FBXL20: variants seen among roughly 807,000 people sequenced by gnomAD.
FBXL20 encodes the protein F-box/LRR-repeat protein 20.
Under a neutral mutation model 64.0 loss-of-function variants are expected in FBXL20, and 11 were observed. The ratio of observed to expected loss-of-function variants is 0.17; its 90% CI spans 0.11 to 0.28. FBXL20 has a LOEUF of 0.28. Ranked by LOEUF, FBXL20 falls within the 10% of genes least tolerant of loss-of-function variation. The pLI is 1.00. For missense variants in FBXL20, 303 were observed against 526.2 expected (o/e 0.58, Z 4.15); for synonymous variants, 184 against 189.0 (o/e 0.97, Z 0.22).
In FBXL20 at chr17:39,255,591, C is replaced by G. The variant is rs2046688009; in HGVS notation, c.*5869G>C. On this transcript the variant is annotated 3_prime_UTR_variant, in exon 15 of 15. Transcript: ENST00000264658. ...GGGCGCAGTGGCTCACGCCTGTAAT[C>G]CTAGCATGTTGGGAGGCTGAGGTGG... is the stretch of plus-strand genomic sequence containing the variant. 1 of 152,060 alleles carries G rather than the reference C, an allele frequency of 6.6e-6. No homozygotes were observed. Among genetic ancestry groups the G allele is most frequent in the Non-Finnish European group, 1.5e-5 (1 of 68,064 alleles). The allele number at this position is 152,060 out of a possible 1,614,324, so 9.4% of individuals were successfully genotyped here.
chr17:39,275,543 C>T (rs1403461795), intron 9 of FBXL20, among the ~76,000 whole-genome samples: 2 of 151,972 alleles, frequency 1.3e-5, no homozygotes, highest in African/African-American at 4.8e-5. Flanking sequence ...TCCTGACTAG[C>T]TGGGACTACA....
chr17:39,371,818 G>A (rs1349464104), intron 1 of FBXL20, among the ~76,000 whole-genome samples: 3 of 151,934 alleles, frequency 2.0e-5, no homozygotes, highest in Non-Finnish European at 4.4e-5. Flanking sequence ...GCGCCACCTC[G>A]CCCAGCTAAA....
intron 4 of FBXL20, among the ~76,000 whole-genome samples, chr17:39,300,697 C>A (rs922156868): frequency 1.3e-5 from 2 of 152,128 alleles, no homozygotes; most frequent in African/African-American, 4.8e-5. Context: ...AATGTCTTCA[C>A]TAAAATAAAC....
chr17:39,396,735 C>G (rs1210305150), intron 1 of FBXL20, among the ~76,000 whole-genome samples: 2 of 151,798 alleles, frequency 1.3e-5, no homozygotes, highest in Non-Finnish European at 1.5e-5. Context: ...GTGGGCGGAT[C>G]GCGAGGTTAG....
At chr17:39,313,566 A>C (rs530788316) in intron 2 of FBXL20, among the ~76,000 whole-genome samples, 3 of 152,118 alleles carry the variant, frequency 2.0e-5, no homozygotes, top group South Asian at 2.1e-4. Flanking sequence ...AAATAAAAGA[A>C]TTGGTGGGGT....
At chr17:39,349,172 A>G (rs2047662742) in intron 1 of FBXL20, among the ~76,000 whole-genome samples, 1 of 151,534 alleles carries the variant, frequency 6.6e-6, no homozygotes, top group Non-Finnish European at 1.5e-5. Context: ...GAATCACTTG[A>G]ACCCGGGAGA....
intron 1 of FBXL20, 122 bp from the exon 2 acceptor site, chr17:39,343,363 C>A: frequency 1.7e-6 from 1 of 580,894 alleles, no homozygotes. Context: ...GCATCATAAA[C>A]CAAAGTCATA....
Position 39,261,486 on chromosome 17 carries a change from A to T in FBXL20, c.1285T>A (p.Phe429Ile). 6.2e-7 allele frequency: 1 copy of T among 1,613,952 alleles called. No individual in the cohort carries two copies. The highest frequency in any genetic ancestry group is 8.5e-7 in the Non-Finnish European group (1 of 1,179,820). The change falls in exon 15 of 15, where the codon TTC becomes ATC. Residue 429 changes from phenylalanine (F) to isoleucine (I), a missense_variant. By Grantham distance (21) the Phe-to-Ile change is conservative (BLOSUM62 0). This residue lies in a region of FBXL20 where 56 missense variants were observed against 86.0 expected (regional missense o/e 0.65). Transcript: ENST00000264658. ...CATAGGATGATGCAGCATCTGCAGA[A>T]GCGCTGTCTGCTGCCCCCTACTGAT... is the stretch of plus-strand genomic sequence containing the variant. ...PPSVGGSRQR[F>I]CRCCIIL
intron 2 of FBXL20, among the ~76,000 whole-genome samples, chr17:39,327,165 C>T (rs948191819): frequency 6.6e-6 from 1 of 152,002 alleles, no homozygotes; most frequent in Admixed American, 6.6e-5. Flanking sequence ...GGATTACAGA[C>T]GCGAGCCACC....
intron 1 of FBXL20, among the ~76,000 whole-genome samples, chr17:39,362,581 C>T (rs1374020965): frequency 6.6e-6 from 1 of 151,932 alleles, no homozygotes; most frequent in Admixed American, 6.6e-5. Flanking sequence ...CCTCGGCCTC[C>T]CAAAGTGCTG....
chr17:39,338,558 G>A (rs188992639), intron 2 of FBXL20, among the ~76,000 whole-genome samples: 97 of 140,970 alleles, frequency 6.9e-4, no homozygotes, highest in African/African-American at 4.0e-4. Flanking sequence ...AATAATAAAC[G>A]AAAAAAGTCA....
intron 2 of FBXL20, among the ~76,000 whole-genome samples, chr17:39,309,230 A>G (rs1022546938): frequency 6.6e-6 from 1 of 152,174 alleles, no homozygotes; most frequent in Non-Finnish European, 1.5e-5. Context: ...GAAAAATATT[A>G]TGCTTCTAAA....
In FBXL20 at chr17:39,381,500, G is replaced by T. The variant is rs185474247; in HGVS notation, c.42+19861C>A. Reference sequence around the variant, plus strand: ...GTCTCAAAAAAAAAAAAAAAAAAAAGGCTGAATAAAGCCTGGCTTGTAGTT... The same window carrying T: ...GTCTCAAAAAAAAAAAAAAAAAAAATGCTGAATAAAGCCTGGCTTGTAGTT... On this transcript the variant is annotated intron_variant, in intron 1 of 14. Transcript: ENST00000264658. Among the ~76,000 whole-genome samples, 916 of 122,754 alleles carry T rather than the reference G, an allele frequency of 7.5e-3. 16 individuals are homozygous for T. Among genetic ancestry groups the T allele is most frequent in the African/African-American group, 0.027 (865 of 32,232 alleles). 80.5% of individuals were successfully genotyped at this position (122,754 alleles called of 152,430 possible). A position where few individuals can be genotyped will look rare whatever the true frequency, so the allele number is the denominator to read the frequency against.
intron 11 of FBXL20, among the ~76,000 whole-genome samples, chr17:39,269,443 T>C (rs1421545566): frequency 5.9e-5 from 9 of 151,782 alleles, no homozygotes; most frequent in African/African-American, 2.2e-4. Flanking sequence ...TCCGCCCGCC[T>C]CGGCCTCCCA....
intron 13 of FBXL20, among the ~76,000 whole-genome samples, chr17:39,264,975 T>C (rs2046778726): frequency 6.6e-6 from 1 of 152,186 alleles, no homozygotes; most frequent in Non-Finnish European, 1.5e-5. Flanking sequence ...TGCCTTCCTC[T>C]AGTGTCACTG....
At chr17:39,356,309 G>A (rs961500545) in intron 1 of FBXL20, among the ~76,000 whole-genome samples, 4 of 151,868 alleles carry the variant, frequency 2.6e-5, no homozygotes, top group Admixed American at 6.6e-5. Flanking sequence ...GGTATGAGGT[G>A]AGAGCACAAC....
chr17:39,342,844 T>C (rs2047596069), intron 2 of FBXL20, among the ~76,000 whole-genome samples: 1 of 152,168 alleles, frequency 6.6e-6, no homozygotes, highest in African/African-American at 2.4e-5. Flanking sequence ...ATTGCGCCAC[T>C]GCACTCCAGC....
chr17:39,273,593 C>T (rs1053477056), intron 10 of FBXL20, among the ~76,000 whole-genome samples: 1 of 151,580 alleles, frequency 6.6e-6, no homozygotes. Flanking sequence ...TTTGGGAGGC[C>T]GAGGTGGGCA....
chr17:39,353,432 ATT>A (rs2047706944), intron 1 of FBXL20, among the ~76,000 whole-genome samples: 1 of 152,006 alleles, frequency 6.6e-6, no homozygotes, highest in Non-Finnish European at 1.5e-5. Flanking sequence ...TTTATTAGTT[ATT>A]TTTGTTAATC....
Sources: gnomAD v4.1 joint callset for allele counts (sites outside exome capture counted in the v4.1 genomes callset) on GRCh38, gnomAD v4.1.1 for gene constraint, gnomAD v4.1.1 regional missense constraint, MANE v1.5 for transcripts, NCBI Gene and HGNC (gene_info 2026-07-23, HGNC 2026-07-21) for gene names.